Variants in SLC9A3 observed in about 807,000 individuals in gnomAD.
SLC9A3 encodes solute carrier family 9 member A3.
SLC9A3 carries 37 observed loss-of-function variants against 86.8 expected under a neutral mutation model. The ratio of observed to expected loss-of-function variants is 0.43; its 90% confidence interval spans 0.33 to 0.56. The LOEUF (loss-of-function observed/expected upper bound fraction) is 0.56, where lower values mean the gene tolerates loss of function less well. Among genes scored for constraint, SLC9A3 ranks in the 20% least tolerant of loss-of-function variants. SLC9A3 has a pLI of 0.06. For missense variants in SLC9A3, 1,011 were observed against 1,171.9 expected (o/e 0.86, Z 2.00); for synonymous variants, 581 against 528.3 (o/e 1.10, Z -1.37).
intron 7 of SLC9A3, 135 bp from the exon 8 acceptor site, chr5:482,292 C>T (rs914701771): frequency 1.5e-5 from 11 of 718,344 alleles, no homozygotes; most frequent in African/African-American, 3.6e-5. Context: ...CCCAGCAACC[C>T]GCGCCCCTGC....
At chr5:504,490 T>G (rs1005763470) in intron 1 of SLC9A3, among the ~76,000 whole-genome samples, 1 of 152,122 alleles carries the variant, frequency 6.6e-6, no homozygotes, top group African/African-American at 2.4e-5. Flanking sequence ...CCTCCTCCAG[T>G]GTGTCCGGCG....
chr5:486,455 T>C (rs1311915702), intron 3 of SLC9A3, among the ~76,000 whole-genome samples: 1 of 152,234 alleles, frequency 6.6e-6, no homozygotes, highest in Non-Finnish European at 1.5e-5. Context: ...TTGGGGTTCC[T>C]GAATCTTCTC....
chr5:479,931 C>T lies in SLC9A3; in HGVS notation c.1552G>A (p.Val518Ile), dbSNP rs761745958. The T allele has an allele frequency of 5.0e-6, 8 of 1,613,870 alleles. No individual in the cohort carries two copies. In the Admixed American group the frequency reaches 5.0e-5, roughly 10 times the overall value. The change falls in exon 10 of 17, where the codon GTC (valine) becomes ATC (isoleucine). Residue 518 changes from valine to isoleucine, a missense_variant. Transcript: ENST00000264938. ...TTCTGGGCCGACCGTCTCATGAGGA[C>T]CCTGCTGAGGAACTTCCTGTCGAAG... ...SHFDRKFLSR[V>I]LMRRSAQKSR...
intron 1 of SLC9A3, among the ~76,000 whole-genome samples, chr5:500,965 C>CAGCCCGTG (rs1290881169): frequency 1.5e-5 from 2 of 137,810 alleles, no homozygotes; most frequent in African/African-American, 5.5e-5. Context: ...CCGCCTGCCA[C>CAGCCCGTG]AGCCCGTGTG....
In SLC9A3 at chr5:475,462, C is replaced by A. The variant is rs1040965306; in HGVS notation, c.2251+99G>T. 6.8e-6 allele frequency: 5 copies of A among 738,326 alleles called. No individual in the cohort carries two copies. In the African/African-American group the frequency reaches 7.0e-5, roughly 10 times the overall value. 45.7% of individuals were successfully genotyped at this position (738,326 alleles called of 1,614,324 possible). A position where few individuals can be genotyped will look rare whatever the true frequency, so the allele number is the denominator to read the frequency against. On this transcript the variant is annotated intron_variant, in intron 15 of 16. Transcript: ENST00000264938. ...TTGAGAACCCACAGGAGACCCCACC[C>A]CCCCAGGTCCCAGTGCCCCTGGTCC...
intron 16 of SLC9A3, among the ~76,000 whole-genome samples, chr5:473,873 G>A (rs1560946611): frequency 6.6e-6 from 1 of 152,248 alleles, no homozygotes; most frequent in African/African-American, 2.4e-5. Flanking sequence ...CGGGGACCCG[G>A]GGCGTCTGTC....
chr5:481,099 A>G (rs1172374086), intron 9 of SLC9A3, among the ~76,000 whole-genome samples: 6 of 152,198 alleles, frequency 3.9e-5, no homozygotes, highest in African/African-American at 1.4e-4. Context: ...CATGTTGGCT[A>G]GGCTGGTCTC....
At chr5:517,265 T>TCATC (rs56364072) in intron 1 of SLC9A3, among the ~76,000 whole-genome samples, 143,331 of 150,238 alleles carry the variant, frequency 0.95, 68,586 homozygotes, top group African/African-American at 0.97. Flanking sequence ...ACTCACTCAT[T>TCATC]CATCCATCCA....
At chr5:473,746 GC>G (rs1357894587) in intron 16 of SLC9A3, among the ~76,000 whole-genome samples, 1 of 152,162 alleles carries the variant, frequency 6.6e-6, no homozygotes, top group Non-Finnish European at 1.5e-5. Flanking sequence ...TGCCTCCCAG[GC>G]CCCCAGAGGG....
intron 1 of SLC9A3, among the ~76,000 whole-genome samples, chr5:499,654 G>C (rs769354134): frequency 3.3e-5 from 5 of 152,228 alleles, no homozygotes; most frequent in Non-Finnish European, 5.9e-5. Flanking sequence ...GCCTGATGCC[G>C]TCTGCAGCTC....
Position 482,111 on chromosome 5 carries a change from C to T in SLC9A3, c.1403G>A (p.Ser468Asn). 1 of 1,610,160 alleles carries T rather than the reference C, an allele frequency of 6.2e-7. No homozygotes were observed. The highest frequency in any genetic ancestry group is 8.5e-7 in the Non-Finnish European group (1 of 1,179,150). ...GTTGAGCCGAGGTTCCCGGTGCTCG[C>T]TCCTCTTCACCTTCAGCCACTGCAC... ...PLVQWLKVKR[S>N]EHREPRLNEK... The change falls in exon 8 of 17, where the codon AGC (serine) becomes AAC (asparagine). Residue 468 changes from serine (S) to asparagine (N), a missense_variant. Ser to Asn is a conservative substitution (Grantham distance 46). This residue lies in a region of SLC9A3 where 565 missense variants were observed against 790.0 expected (regional missense o/e 0.72). Coordinates refer to ENST00000264938, the MANE Select transcript of SLC9A3 (RefSeq NM_004174.4).
chr5:485,030 A>G lies in SLC9A3; in HGVS notation c.754+123T>C. On this transcript the variant is annotated intron_variant, in intron 4 of 16. Transcript: ENST00000264938. ...CTCTGGACGGGGACGTGACGTGGAC[A>G]GAAGGGCCCAGTGTAGCAGCTTTGA... The G allele has an allele frequency of 3.9e-6, 3 of 760,196 alleles. No homozygotes were observed. The Admixed American group carries it at 6.0e-5, about 15-fold the overall frequency. The allele number at this position is 760,196 out of a possible 1,614,324, so 47.1% of individuals were successfully genotyped here.
In SLC9A3 at chr5:491,266, C is replaced by T. The variant is rs542326694; in HGVS notation, c.514+503G>A. 2.6e-5 allele frequency among the ~76,000 whole-genome samples: 4 copies of T among 152,184 alleles called. No homozygotes were observed. Among genetic ancestry groups the T allele is most frequent in the African/African-American group, 2.4e-5 (1 of 41,442 alleles). On this transcript the variant is annotated intron_variant, in intron 2 of 16. Coordinates refer to ENST00000264938, the MANE Select transcript of SLC9A3 (RefSeq NM_004174.4). This position sits in a 1 kb window ranked among gnomAD's most constrained non-coding sequence, Gnocchi z 9.2. ...CTGGCATGTTGAGAGGCGCCAGCCACGCGTGGTCTGGGTCCGGGGCGGGAG... is the reference window on the plus strand; with the variant it reads ...CTGGCATGTTGAGAGGCGCCAGCCATGCGTGGTCTGGGTCCGGGGCGGGAG...
chr5:508,762 A>C (rs1740737634), intron 1 of SLC9A3, among the ~76,000 whole-genome samples: 2 of 152,216 alleles, frequency 1.3e-5, no homozygotes, highest in Non-Finnish European at 2.9e-5. Context: ...CCCGGGAGTC[A>C]CACATGAGAA....
At chr5:510,249 G>A (rs1483664266) in intron 1 of SLC9A3, among the ~76,000 whole-genome samples, 2 of 152,252 alleles carry the variant, frequency 1.3e-5, no homozygotes, top group Non-Finnish European at 2.9e-5. Flanking sequence ...CAGATGCTGT[G>A]TGGGAAAGGA....
Position 483,389 on chromosome 5 carries a change from C to T in SLC9A3, c.1026G>A (p.Leu342=), listed in dbSNP as rs767182054. 5 of 1,575,568 alleles carry T rather than the reference C, an allele frequency of 3.2e-6. No homozygotes were observed. Among genetic ancestry groups the T allele is most frequent in the Non-Finnish European group, 4.3e-6 (5 of 1,160,902 alleles). Residue 342 remains leucine (L), a synonymous_variant, in exon 6 of 17, where the codon CTG becomes CTA. Coordinates refer to ENST00000264938, the MANE Select transcript of SLC9A3 (RefSeq NM_004174.4). The part of the protein sequence containing the change: ...ATTVRYTMKM[L]ASSAETIIFM... ...AGATGATGGTCTCGGCGCTGCTGGC[C>T]AGCATCTTCATGGTGTAGCGCACGG...
At chr5:476,156 G>C in intron 13 of SLC9A3, 46 bp downstream of exon 13, 3 of 1,611,580 alleles carry the variant, frequency 1.9e-6, no homozygotes, top group East Asian at 2.2e-5. Context: ...GACTGCCCCC[G>C]CTCCAGGCCC....
intron 1 of SLC9A3, among the ~76,000 whole-genome samples, chr5:504,497 G>C (rs11950353): frequency 0.058 from 8,876 of 152,268 alleles, 759 homozygotes; most frequent in African/African-American, 0.19. Flanking sequence ...CAGTGTGTCC[G>C]GCGGCGGCAG....
intron 10 of SLC9A3, chr5:479,507 G>A (rs1159448821): frequency 9.4e-6 from 3 of 318,600 alleles, no homozygotes; most frequent in South Asian, 2.8e-5. Flanking sequence ...AGGCAGGGCT[G>A]TATTGGGACC....
Sources: allele counts gnomAD v4.1 joint callset (sites outside exome capture counted in the v4.1 genomes callset), GRCh38; gene constraint gnomAD v4.1.1; regional missense constraint gnomAD v4.1.1; non-coding constraint Gnocchi (gnomAD v3.1); transcripts MANE v1.5; gene names NCBI Gene and HGNC (gene_info 2026-07-23, HGNC 2026-07-21).